Variants in TENT4A observed in about 807,000 individuals in gnomAD.
TENT4A encodes the protein terminal nucleotidyltransferase 4A, also known as DNA polymerase kappa.
TENT4A carries 7 observed loss-of-function variants against 72.8 expected under a neutral mutation model. That is an observed-to-expected ratio of 0.10 (90% CI 0.05 to 0.18). TENT4A has a LOEUF of 0.18. TENT4A is among the 10% of genes least tolerant of loss of function. The probability of loss-of-function intolerance (pLI) is 1.00; values close to 1 mark genes in which losing one functional copy is unlikely to be tolerated. For synonymous variants in TENT4A, 456 were observed against 434.3 expected (o/e 1.05, Z -0.62); for missense variants, 831 against 1,017.7 (o/e 0.82, Z 2.50).
chr5:6,751,528 C>T (rs1242676248), intron 11 of TENT4A: 1 of 245,502 alleles, frequency 4.1e-6, no homozygotes, highest in African/African-American at 2.2e-5. Context: ...AGTCACGACC[C>T]ACTTAGCTGG....
intron 11 of TENT4A, among the ~76,000 whole-genome samples, chr5:6,752,422 G>GT: frequency 6.6e-6 from 1 of 152,232 alleles, no homozygotes; most frequent in Non-Finnish European, 1.5e-5. Flanking sequence ...GCTGCTGACA[G>GT]TAACGGGTGA....
At chr5:6,754,565 T>C (rs916952404) in intron 12 of TENT4A, among the ~76,000 whole-genome samples, 186 bp from the exon 13 acceptor site, 1 of 152,204 alleles carries the variant, frequency 6.6e-6, no homozygotes, top group African/African-American at 2.4e-5. Flanking sequence ...TTCTTGCCTT[T>C]AGTCATTCAC....
chr5:6,717,875 A>C (rs1346270054), intron 1 of TENT4A, among the ~76,000 whole-genome samples: 1 of 152,212 alleles, frequency 6.6e-6, no homozygotes, highest in Non-Finnish European at 1.5e-5. Context: ...AAACCTCTTC[A>C]GGTTAAGAGT....
At chr5:6,745,988 CA>C (rs1742075742) in intron 6 of TENT4A, 1 of 1,361,494 alleles carries the variant, frequency 7.3e-7, no homozygotes, top group African/African-American at 1.5e-5. Flanking sequence ...TTACCAATTT[CA>C]AAAATCAAAC....
chr5:6,715,943 G>A (rs891439218), intron 1 of TENT4A, among the ~76,000 whole-genome samples: 1 of 152,132 alleles, frequency 6.6e-6, no homozygotes, highest in Non-Finnish European at 1.5e-5. Context: ...AGGTGGTTGG[G>A]AGCAGTTTCT....
chr5:6,743,165 C>A (rs1013788948), intron 5 of TENT4A, among the ~76,000 whole-genome samples: 1 of 152,172 alleles, frequency 6.6e-6, no homozygotes, highest in Non-Finnish European at 1.5e-5. Flanking sequence ...AGGGGCAAAT[C>A]CACCCCTGCA....
At chr5:6,753,433 T>C (rs1742521250) in intron 12 of TENT4A, among the ~76,000 whole-genome samples, 1 of 152,246 alleles carries the variant, frequency 6.6e-6, no homozygotes, top group South Asian at 2.1e-4. Flanking sequence ...GCTGCTGTCA[T>C]TCCCACGTTG....
intron 1 of TENT4A, among the ~76,000 whole-genome samples, chr5:6,732,623 CT>C (rs1474267698): frequency 6.6e-6 from 1 of 152,186 alleles, no homozygotes; most frequent in Non-Finnish European, 1.5e-5. Context: ...CGAGAGTGAT[CT>C]TTTGTTGTTT....
intron 1 of TENT4A, among the ~76,000 whole-genome samples, chr5:6,720,817 C>CT (rs1239446770): frequency 2.6e-5 from 4 of 152,150 alleles, no homozygotes; most frequent in Non-Finnish European, 5.9e-5. Context: ...GGAAAGGGGT[C>CT]TTTCCTATGC....
chr5:6,723,870 A>AGG (rs1221922431), intron 1 of TENT4A, among the ~76,000 whole-genome samples: 1 of 152,162 alleles, frequency 6.6e-6, no homozygotes, highest in Non-Finnish European at 1.5e-5. Context: ...ACTGGCCTGG[A>AGG]GGGAGGCTGC....
chr5:6,735,005 G>T (rs915701406), intron 1 of TENT4A, among the ~76,000 whole-genome samples: 1 of 152,204 alleles, frequency 6.6e-6, no homozygotes, highest in Non-Finnish European at 1.5e-5. Context: ...GGTGAATGTG[G>T]CTGCACAGGT....
rs1275081573 is a variant in TENT4A, at chr5:6,755,458, A to AT, written c.*519dup. The AT allele has an allele frequency of 3.9e-5, 6 of 152,714 alleles. No individual in the cohort carries two copies. Among genetic ancestry groups the AT allele is most frequent in the African/African-American group, 1.2e-4 (5 of 41,452 alleles). 9.5% of individuals were successfully genotyped at this position (152,714 alleles called of 1,614,324 possible). A position where few individuals can be genotyped will look rare whatever the true frequency, so the allele number is the denominator to read the frequency against. ...TTATGATTTGTGCAATAACTCAGAT[A>AT]TTTTTTATTTAATTTCCTATTTTCA... On this transcript the variant is annotated 3_prime_UTR_variant, in exon 13 of 13. Coordinates refer to ENST00000230859, the MANE Select transcript of TENT4A (RefSeq NM_006999.6).
intron 1 of TENT4A, among the ~76,000 whole-genome samples, chr5:6,729,213 A>G (rs1579462610): frequency 1.3e-5 from 2 of 152,354 alleles, no homozygotes; most frequent in South Asian, 2.1e-4. Context: ...GTCTTGGGCC[A>G]GTTACCATAT....
chr5:6,726,617 T>G (rs2126609804), intron 1 of TENT4A, among the ~76,000 whole-genome samples: 1 of 152,278 alleles, frequency 6.6e-6, no homozygotes, highest in African/African-American at 2.4e-5. Context: ...GGGTCCCAAA[T>G]AGCTGATTGG....
In TENT4A at chr5:6,751,178, T is replaced by C; in HGVS notation, c.2000T>C (p.Ile667Thr). ...KPQPTTSRTL[I>T]MTTNNQTRFT... ...CAGCCCACCACTTCCAGAACACTGA[T>C]CATGACAACCAACAATCAGGTACGT... The change falls in exon 11 of 13, where the codon ATC becomes ACC. Residue 667 changes from isoleucine (I) to threonine (T), a missense_variant. By Grantham distance (89) the Ile-to-Thr change is moderately conservative. Transcript: ENST00000230859. 1 of 1,614,216 alleles carries C rather than the reference T, an allele frequency of 6.2e-7. No homozygotes were observed.
At chr5:6,742,674 A>C in intron 5 of TENT4A, 77 bp downstream of exon 5, 2 of 815,584 alleles carry the variant, frequency 2.5e-6, no homozygotes, top group Non-Finnish European at 4.4e-6. Flanking sequence ...TACGATGTTT[A>C]CAGCTGTCAG....
chr5:6,723,680 G>A (rs1463865219), intron 1 of TENT4A, among the ~76,000 whole-genome samples: 2 of 152,176 alleles, frequency 1.3e-5, no homozygotes, highest in Non-Finnish European at 2.9e-5. Context: ...AAATATGTTG[G>A]TGCAGGGCCT....
chr5:6,737,296 C>T (rs187865367), intron 1 of TENT4A, among the ~76,000 whole-genome samples: 1 of 152,200 alleles, frequency 6.6e-6, no homozygotes, highest in South Asian at 2.1e-4. Flanking sequence ...TTTATTGATA[C>T]TTGGTATTGA....
chr5:6,735,957 T>C (rs1645561021), intron 1 of TENT4A, among the ~76,000 whole-genome samples: 1 of 152,108 alleles, frequency 6.6e-6, no homozygotes, highest in Admixed American at 6.5e-5. Context: ...GAGATGGGGT[T>C]TCACCATTTT....
Sources: allele counts gnomAD v4.1 joint callset (sites outside exome capture counted in the v4.1 genomes callset), GRCh38; gene constraint gnomAD v4.1.1; transcripts MANE v1.5; gene names NCBI Gene and HGNC (gene_info 2026-07-23, HGNC 2026-07-21).